The following DEDD2 variants were observed in gnomAD, a reference collection of about 807,000 sequenced individuals.
DEDD2 encodes the protein DNA-binding death effector domain-containing protein 2.
DEDD2 carries 18 observed loss-of-function variants against 28.9 expected under a neutral mutation model. The observed-to-expected ratio is 0.62, with a 90% confidence interval of 0.43 to 0.92. The LOEUF is 0.92. Among genes scored for constraint, DEDD2 ranks in the 40% least tolerant of loss-of-function variants. DEDD2 has a pLI of 0.00. For missense variants in DEDD2, 411 were observed against 463.3 expected (o/e 0.89, Z 1.04); for synonymous variants, 211 against 206.1 (o/e 1.02, Z -0.20).
At chr19:42,217,894 C>G (rs2036052300), upstream of DEDD2, 1 of 152,442 alleles carries the variant, frequency 6.6e-6, no homozygotes. Context: ...AGCACGCCGC[C>G]TCTTGGGCTG....
At chr19:42,215,302 T>C in intron 2 of DEDD2, 50 bp from the exon 3 acceptor site, 1 of 1,603,960 alleles carries the variant, frequency 6.2e-7, no homozygotes, top group Non-Finnish European at 8.5e-7. Context: ...TGGCCCTAAT[T>C]CCCACCCCTG....
rs35862480 is a variant in DEDD2 at position 42,215,000 on chromosome 19, AACACACAC to A, written c.448+125_448+132del. The A allele has an allele frequency of 1.9e-3, 2,007 of 1,041,226 alleles. 17 individuals carry two copies. In the African/African-American group the frequency reaches 0.028, roughly 14 times the overall value. 64.5% of individuals were successfully genotyped at this position (1,041,226 alleles called of 1,614,324 possible). On this transcript the variant is annotated intron_variant, in intron 3 of 4. Coordinates refer to ENST00000596251, the MANE Select transcript of DEDD2 (RefSeq NM_133328.4). ...TCAGAACAGAGTATCTGTAGCAATA[AACACACAC>A]ACACACACACACACACACACACAGT...
intron 4 of DEDD2, among the ~76,000 whole-genome samples, chr19:42,203,096 G>A (rs1002305012): frequency 5.9e-5 from 9 of 152,206 alleles, no homozygotes; most frequent in Non-Finnish European, 1.0e-4. Context: ...CACAGGTTGA[G>A]TCACCTGCCT....
Position 42,199,909 on chromosome 19 carries a change from A to AGC in DEDD2, c.590-82_590-81dup. 6.7e-7 allele frequency: 1 copy of AGC among 1,481,996 alleles called. No homozygotes were observed. The highest frequency in any genetic ancestry group is 9.0e-7 in the Non-Finnish European group (1 of 1,110,788). 91.8% of individuals were successfully genotyped at this position (1,481,996 alleles called of 1,614,324 possible). A position where few individuals can be genotyped will look rare whatever the true frequency, so the allele number is the denominator to read the frequency against. Reference sequence around the variant, plus strand: ...GGGGAACGCCACCCTTCCTCCCTCCAGCCTTCTCCCTCCACCCCCTTCCGG... The same window carrying AGC: ...GGGGAACGCCACCCTTCCTCCCTCCAGCGCCTTCTCCCTCCACCCCCTTCCGG... On this transcript the variant is annotated intron_variant, in intron 4 of 4. Coordinates refer to ENST00000596251, the MANE Select transcript of DEDD2 (RefSeq NM_133328.4). The surrounding 1 kb of genome is among the most constrained non-coding windows in gnomAD (Gnocchi z 7.4).
At position 42,199,738 on chromosome 19, in the gene DEDD2, C is replaced by T. The variant is rs371901808; in HGVS notation, c.681G>A (p.Arg227=). 1 of 1,613,490 alleles carries T rather than the reference C, an allele frequency of 6.2e-7. No homozygotes were observed. The highest frequency in any genetic ancestry group is 1.3e-5 in the African/African-American group (1 of 75,054). The change falls in exon 5 of 5, where the codon CGG becomes CGA. Residue 227 remains arginine, a synonymous_variant. Transcript: ENST00000596251. The surrounding 1 kb of genome is among the most constrained non-coding windows in gnomAD (Gnocchi z 7.4). ...TGGCCTGCCCAAACACGTCCAGCTG[C>T]CGCGCCAGCGCCTGGGGCCGCCGGG... The part of the protein sequence containing the change: ...VASRRPQALA[R]QLDVFGQATA...
intron 3 of DEDD2, among the ~76,000 whole-genome samples, chr19:42,210,203 T>C (rs1020573779): frequency 1.3e-5 from 2 of 152,078 alleles, no homozygotes; most frequent in African/African-American, 4.8e-5. Flanking sequence ...TAGGGAGATG[T>C]CCAGGATAGA....
At chr19:42,203,030 C>T (rs1054178770) in intron 4 of DEDD2, among the ~76,000 whole-genome samples, 1 of 152,348 alleles carries the variant, frequency 6.6e-6, no homozygotes, top group Middle Eastern at 3.4e-3. Context: ...ATTGTCCCCA[C>T]AACAATCAGG....
rs756221135 is a variant in DEDD2 at position 42,216,697 on chromosome 19, C to A, written c.311G>T (p.Arg104Leu). 5.7e-6 allele frequency: 9 copies of A among 1,580,268 alleles called. No homozygotes were observed. Among genetic ancestry groups the A allele is most frequent in the Admixed American group, 1.9e-5 (1 of 53,058 alleles). The change falls in exon 2 of 5, where the codon CGC (arginine) becomes CTC (leucine). Residue 104 changes from arginine to leucine, a missense_variant. Arg to Leu is a moderately radical substitution (Grantham distance 102). Transcript: ENST00000596251. ...AACCGTACCTGGCCGGCGCCGCTTGCGCGCCAGGTGCGGCAGCAGGTCGTG... is the reference window on the plus strand; with the variant it reads ...AACCGTACCTGGCCGGCGCCGCTTGAGCGCCAGGTGCGGCAGCAGGTCGTG... ...ARHDLLPHLA[R>L]KRRRPVSPER...
intron 4 of DEDD2, among the ~76,000 whole-genome samples, chr19:42,204,006 G>T (rs912374125): frequency 6.6e-4 from 100 of 152,198 alleles, no homozygotes; most frequent in African/African-American, 2.3e-3. Context: ...CTGGGAGGGT[G>T]GGGGGCAGGT....
Position 42,216,745 on chromosome 19 carries a change from T to C in DEDD2, c.263A>G (p.Gln88Arg). The change falls in exon 2 of 5, where the codon CAA becomes CGA. Residue 88 changes from glutamine (Q) to arginine (R), a missense_variant. Transcript: ENST00000596251. Reference sequence around the variant, plus strand: ...GTGGCGGGCCAGCACGCGCAGGAGTTGCCCCAGCAGCCGCAGGTTGCTCTC... The same window carrying C: ...GTGGCGGGCCAGCACGCGCAGGAGTCGCCCCAGCAGCCGCAGGTTGCTCTC... Reference protein sequence around the residue: ...CDESNLRLLGQLLRVLARHDL... With the variant: ...CDESNLRLLGRLLRVLARHDL... The C allele has an allele frequency of 6.3e-7, 1 of 1,594,196 alleles. No homozygotes were observed. Among genetic ancestry groups the C allele is most frequent in the African/African-American group, 1.3e-5 (1 of 74,560 alleles).
intron 3 of DEDD2, among the ~76,000 whole-genome samples, chr19:42,210,641 G>A (rs997196722): frequency 2.0e-5 from 3 of 152,002 alleles, no homozygotes; most frequent in Non-Finnish European, 2.9e-5. Flanking sequence ...TGATCCACCC[G>A]CCTCGGCCTC....
upstream of DEDD2, among the ~76,000 whole-genome samples, chr19:42,218,946 G>C (rs1357421217): frequency 6.6e-6 from 1 of 152,174 alleles, no homozygotes; most frequent in Non-Finnish European, 1.5e-5. Context: ...TTGAACCAGG[G>C]AGCAGTAAGC....
chr19:42,219,080 G>T (rs1159848472), upstream of DEDD2, among the ~76,000 whole-genome samples: 2 of 152,176 alleles, frequency 1.3e-5, no homozygotes, highest in Admixed American at 6.5e-5. Flanking sequence ...CGAGGCGGGC[G>T]GATCACCTGA....
At chr19:42,215,320 G>A (rs1169820124) in intron 2 of DEDD2, 68 bp from the exon 3 acceptor site, 13 of 1,590,726 alleles carry the variant, frequency 8.2e-6, no homozygotes, top group South Asian at 1.1e-5. Context: ...CTGGAAGAAT[G>A]CCTGCACCAC....
intron 2 of DEDD2, among the ~76,000 whole-genome samples, chr19:42,216,470 G>A (rs928343203): frequency 6.6e-6 from 1 of 152,214 alleles, no homozygotes; most frequent in African/African-American, 2.4e-5. Flanking sequence ...CGTAAACAGT[G>A]GCCAAAATCA....
intron 4 of DEDD2, among the ~76,000 whole-genome samples, chr19:42,207,564 G>T (rs2035583666): frequency 6.6e-6 from 1 of 152,104 alleles, no homozygotes; most frequent in African/African-American, 2.4e-5. Context: ...TGTTTCATTA[G>T]GGCACTTGTC....
chr19:42,215,368 C>T, intron 2 of DEDD2, 116 bp from the exon 3 acceptor site: 1 of 1,301,940 alleles, frequency 7.7e-7, no homozygotes, highest in Non-Finnish European at 1.1e-6. Context: ...AGCCCAAATA[C>T]CCACTCATTC....
At chr19:42,212,607 C>T (rs1052959988) in intron 3 of DEDD2, among the ~76,000 whole-genome samples, 2 of 151,800 alleles carry the variant, frequency 1.3e-5, no homozygotes, top group Non-Finnish European at 2.9e-5. Flanking sequence ...TGGGACTACA[C>T]GTGCACATCA....
intron 2 of DEDD2, 129 bp from the exon 3 acceptor site, chr19:42,215,381 A>G: frequency 8.6e-7 from 1 of 1,165,150 alleles, no homozygotes; most frequent in South Asian, 1.4e-5. Context: ...ACTCATTCTC[A>G]AACACCTCCT....
Sources: allele counts gnomAD v4.1 joint callset (sites outside exome capture counted in the v4.1 genomes callset), GRCh38; gene constraint gnomAD v4.1.1; non-coding constraint Gnocchi (gnomAD v3.1); transcripts MANE v1.5; gene names NCBI Gene and HGNC (gene_info 2026-07-23, HGNC 2026-07-21).